DNAI1: variants seen among roughly 807,000 people sequenced by gnomAD.
DNAI1 encodes dynein axonemal intermediate chain 1.
A neutral mutation model predicts 92.0 loss-of-function variants in DNAI1; 67 were observed. The observed-to-expected ratio is 0.73, with a 90% CI of 0.60 to 0.89. DNAI1 has a LOEUF of 0.89. DNAI1 is among the 40% of genes least tolerant of loss of function. The probability of loss-of-function intolerance (pLI) is 0.00; values close to 1 mark genes in which losing one functional copy is unlikely to be tolerated. For synonymous variants in DNAI1, 323 were observed against 319.6 expected, an observed-to-expected ratio of 1.01 and a Z score of -0.11; for missense variants, 839 against 866.6, an observed-to-expected ratio of 0.97 and a Z score of 0.40.
intron 8 of DNAI1, among the ~76,000 whole-genome samples, chr9:34,491,839 G>A (rs1342638088): frequency 1.1e-4 from 16 of 152,164 alleles, no homozygotes; most frequent in Admixed American, 1.0e-3. Flanking sequence ...CCATGACCAG[G>A]GGAGAACATT....
intron 19 of DNAI1, among the ~76,000 whole-genome samples, chr9:34,519,717 T>C (rs922315249): frequency 3.3e-5 from 5 of 152,132 alleles, no homozygotes; most frequent in African/African-American, 1.2e-4. Flanking sequence ...CCATCCCCTT[T>C]ACAGCCCTGG....
intron 1 of DNAI1, among the ~76,000 whole-genome samples, 159 bp from the exon 2 acceptor site, chr9:34,483,289 G>A (rs537064480): frequency 6.6e-6 from 1 of 152,380 alleles, no homozygotes; most frequent in African/African-American, 2.4e-5. Flanking sequence ...GGCAGGGGAG[G>A]TGCCGAGAGC....
At chr9:34,486,711 CA>C (rs1326355053) in intron 4 of DNAI1, among the ~76,000 whole-genome samples, 1 of 152,180 alleles carries the variant, frequency 6.6e-6, no homozygotes, top group Non-Finnish European at 1.5e-5. Flanking sequence ...GTACAATGAC[CA>C]CCACAATTTT....
rs1177707218 is a variant in DNAI1, at chr9:34,478,188, C to T, written c.49-5260C>T. ...AGGCGTGAGCCACAGTGCCTGGCCA[C>T]GAGAACTTGTCTCAGGGAAAACAAA... On this transcript the variant is annotated intron_variant, in intron 1 of 19. Transcript: ENST00000242317. Among the ~76,000 whole-genome samples, 8 of 151,862 alleles carry T rather than the reference C, an allele frequency of 5.3e-5. No homozygotes were observed. In the East Asian group the frequency reaches 5.8e-4, roughly 11 times the overall value.
Position 34,485,139 on chromosome 9 carries a change from T to C in DNAI1, c.82-3T>C. 1 of 1,614,126 alleles carries C rather than the reference T, an allele frequency of 6.2e-7. No individual in the cohort carries two copies. Among genetic ancestry groups the C allele is most frequent in the Non-Finnish European group, 8.5e-7 (1 of 1,180,022 alleles). ...CCAAGCCTCATGTGAGGTTTTTGTC[T>C]AGGATGAAGATTCAGGGACTGAAGT... is the stretch of plus-strand genomic sequence containing the variant. On this transcript the variant is annotated splice_polypyrimidine_tract_variant and splice_region_variant and intron_variant, in intron 2 of 19. Transcript: ENST00000242317.
chr9:34,481,832 C>T (rs546482270), intron 1 of DNAI1, among the ~76,000 whole-genome samples: 1 of 152,118 alleles, frequency 6.6e-6, no homozygotes, highest in Non-Finnish European at 1.5e-5. Context: ...GCAGCGTGGA[C>T]CCAAAGAGTG....
At chr9:34,483,545 T>C (rs1477576034) in intron 2 of DNAI1, 65 bp downstream of exon 2, 4 of 1,481,490 alleles carry the variant, frequency 2.7e-6, no homozygotes, top group East Asian at 4.7e-5. Context: ...GTTGAAAATA[T>C]TATTTATGTG....
chr9:34,500,796 C>CA lies in DNAI1; in HGVS notation c.980dup (p.Asn327LysfsTer2). 1 of 1,614,078 alleles carries CA rather than the reference C, an allele frequency of 6.2e-7. No homozygotes were observed. Among genetic ancestry groups the CA allele is most frequent in the Middle Eastern group, 1.6e-4 (1 of 6,062 alleles). Reference sequence around the variant, plus strand: ...TACCCTGCTGCCGCTCTGGAAGTTCCAAAATGACAAAGCCAAGCGCCTGTC... The same window carrying CA: ...TACCCTGCTGCCGCTCTGGAAGTTCCAAAAATGACAAAGCCAAGCGCCTGTC... On this transcript the variant is annotated frameshift_variant, in exon 11 of 20. Transcript: ENST00000242317. LOFTEE classifies it high-confidence loss of function.
intron 12 of DNAI1, among the ~76,000 whole-genome samples, chr9:34,503,988 A>G (rs1036703267): frequency 2.6e-5 from 4 of 152,184 alleles, no homozygotes; most frequent in Admixed American, 2.6e-4. Flanking sequence ...CCATTAGCCA[A>G]TTCATAGCAG....
chr9:34,483,790 T>G (rs962233015), intron 2 of DNAI1, among the ~76,000 whole-genome samples: 1 of 152,244 alleles, frequency 6.6e-6, no homozygotes, highest in African/African-American at 2.4e-5. Flanking sequence ...ATAAAATATT[T>G]AGAGTGCCTT....
intron 18 of DNAI1, among the ~76,000 whole-genome samples, chr9:34,515,280 T>C (rs1353412032): frequency 1.3e-5 from 2 of 152,178 alleles, no homozygotes; most frequent in East Asian, 3.9e-4. Context: ...TGATATAAAC[T>C]GAGAAGCACT....
At position 34,501,066 on chromosome 9, in the gene DNAI1, A is replaced by C. The variant is rs756311832; in HGVS notation, c.1020-72A>C. On this transcript the variant is annotated intron_variant, in intron 11 of 19. Transcript: ENST00000242317. ...GTAGTATATTTAGGCACCAGTGCCAATGGGAAGGCCCTTGTCCACAGGAGG... is the reference window on the plus strand; with the variant it reads ...GTAGTATATTTAGGCACCAGTGCCACTGGGAAGGCCCTTGTCCACAGGAGG... 3 of 1,325,324 alleles carry C rather than the reference A, an allele frequency of 2.3e-6. No individual in the cohort carries two copies. In the East Asian group the frequency reaches 6.9e-5, roughly 30 times the overall value. 82.1% of individuals were successfully genotyped at this position (1,325,324 alleles called of 1,614,324 possible).
In DNAI1 at chr9:34,520,969, C is replaced by A. The variant is rs1219176592; in HGVS notation, c.*213C>A. 3.2e-6 allele frequency: 2 copies of A among 622,218 alleles called. No individual in the cohort carries two copies. The highest frequency in any genetic ancestry group is 3.6e-5 in the African/African-American group (2 of 54,848). The allele number at this position is 622,218 out of a possible 1,614,324, so 38.5% of individuals were successfully genotyped here. The stretch of plus-strand genomic sequence containing the variant: ...ACCCCTCTAACTTTGCACAAATAAA[C>A]CTGTGTAGAAACCCACCCCACACCT... On this transcript the variant is annotated 3_prime_UTR_variant, in exon 20 of 20. Coordinates refer to ENST00000242317, the MANE Select transcript of DNAI1 (RefSeq NM_012144.4).
chr9:34,517,250 T>TACCC (rs1040598687), intron 18 of DNAI1, 35 bp from the exon 19 acceptor site: 2 of 1,608,504 alleles, frequency 1.2e-6, no homozygotes, highest in African/African-American at 2.7e-5. Context: ...CAGGCCTCAT[T>TACCC]ACCCCTGAGT....
At chr9:34,495,856 G>A (rs538537488) in intron 9 of DNAI1, among the ~76,000 whole-genome samples, 2 of 152,286 alleles carry the variant, frequency 1.3e-5, no homozygotes, top group Non-Finnish European at 1.5e-5. Context: ...AGAATAGAGA[G>A]CGTAGCTGGA....
At chr9:34,500,324 T>C (rs1824803599) in intron 10 of DNAI1, among the ~76,000 whole-genome samples, 1 of 152,120 alleles carries the variant, frequency 6.6e-6, no homozygotes, top group Non-Finnish European at 1.5e-5. Flanking sequence ...TTAATGGAAC[T>C]ATTAATCAGC....
At chr9:34,511,416 T>C (rs894050618) in intron 13 of DNAI1, among the ~76,000 whole-genome samples, 1 of 151,960 alleles carries the variant, frequency 6.6e-6, no homozygotes, top group Admixed American at 6.6e-5. Context: ...GAGCAGGAGT[T>C]AGTAGCAAAG....
At position 34,485,523 on chromosome 9, in the gene DNAI1, T is replaced by G; in HGVS notation, c.261+6T>G. 1.2e-6 allele frequency: 2 copies of G among 1,613,934 alleles called. No homozygotes were observed. Among genetic ancestry groups the G allele is most frequent in the Non-Finnish European group, 1.7e-6 (2 of 1,179,926 alleles). On this transcript the variant is annotated splice_donor_region_variant and intron_variant, in intron 4 of 19. Coordinates refer to ENST00000242317, the MANE Select transcript of DNAI1 (RefSeq NM_012144.4). The stretch of plus-strand genomic sequence containing the variant: ...TTGTCAGGTACAGCTTCAAAGTAAG[T>G]CATCCCCTCCTGGGCAGGGGCATCT...
At chr9:34,495,380 C>A in intron 9 of DNAI1, among the ~76,000 whole-genome samples, 1 of 152,158 alleles carries the variant, frequency 6.6e-6, no homozygotes, top group East Asian at 1.9e-4. Context: ...ACCCTGGAAC[C>A]TACAGACCTG....
Sources: allele counts gnomAD v4.1 joint callset (sites outside exome capture counted in the v4.1 genomes callset), GRCh38; gene constraint gnomAD v4.1.1; transcripts MANE v1.5; gene names NCBI Gene and HGNC (gene_info 2026-07-23, HGNC 2026-07-21).